Variants in NDUFAF2 observed in about 807,000 individuals in gnomAD.
The protein encoded by NDUFAF2 is NADH dehydrogenase [ubiquinone] 1 alpha subcomplex assembly factor 2.
NDUFAF2 carries 13 observed loss-of-function variants against 22.8 expected under a neutral mutation model. The observed-to-expected ratio is 0.57, with a 90% CI of 0.37 to 0.91. NDUFAF2 has a LOEUF of 0.91. NDUFAF2 is among the 40% of genes least tolerant of loss of function. The pLI, the probability that NDUFAF2 is intolerant of heterozygous loss-of-function variation, is 0.01. For missense variants in NDUFAF2, 162 were observed against 195.2 expected, an observed-to-expected ratio of 0.83 and a Z score of 1.01; for synonymous variants, 53 against 64.2, an observed-to-expected ratio of 0.83 and a Z score of 0.84.
At chr5:60,970,972 G>A (rs1750819266) in intron 1 of NDUFAF2, among the ~76,000 whole-genome samples, 1 of 151,932 alleles carries the variant, frequency 6.6e-6, no homozygotes, top group Non-Finnish European at 1.5e-5. Context: ...ATTTTTATCT[G>A]TGTTCTACCA....
At chr5:61,107,329 A>G (rs2111778827) in intron 3 of NDUFAF2, among the ~76,000 whole-genome samples, 1 of 151,414 alleles carries the variant, frequency 6.6e-6, no homozygotes, top group Middle Eastern at 3.4e-3. Context: ...CATTTCTATG[A>G]TGATCAGTGA....
At chr5:61,022,175 C>T (rs158701) in intron 1 of NDUFAF2, among the ~76,000 whole-genome samples, 30,345 of 152,176 alleles carry the variant, frequency 0.2, 3,581 homozygotes, top group Non-Finnish European at 0.26. Flanking sequence ...ATGGCCCAAA[C>T]AAATTGACAA....
chr5:61,002,561 T>C (rs1354057552), intron 1 of NDUFAF2, among the ~76,000 whole-genome samples: 1 of 152,194 alleles, frequency 6.6e-6, no homozygotes, highest in African/African-American at 2.4e-5. Flanking sequence ...GGTATACTTA[T>C]CCGATTCACT....
At chr5:61,081,164 A>G (rs1192147691) in intron 2 of NDUFAF2, among the ~76,000 whole-genome samples, 2 of 152,046 alleles carry the variant, frequency 1.3e-5, no homozygotes, top group Non-Finnish European at 2.9e-5. Context: ...TGCATTTTCT[A>G]TTCCATCCAT....
At chr5:61,104,131 A>G (rs1248738875) in intron 3 of NDUFAF2, among the ~76,000 whole-genome samples, 1 of 152,008 alleles carries the variant, frequency 6.6e-6, no homozygotes, top group African/African-American at 2.4e-5. Context: ...TAAGGACATA[A>G]CCCCATCATA....
chr5:61,113,119 G>A (rs1401904829), intron 3 of NDUFAF2, among the ~76,000 whole-genome samples: 1 of 151,992 alleles, frequency 6.6e-6, no homozygotes, highest in African/African-American at 2.4e-5. Context: ...AAAGATTATT[G>A]TAGTTATTAT....
At chr5:61,105,750 A>AC (rs1752755758) in intron 3 of NDUFAF2, among the ~76,000 whole-genome samples, 1 of 151,312 alleles carries the variant, frequency 6.6e-6, no homozygotes, top group Non-Finnish European at 1.5e-5. Context: ...ATGTAAGTTC[A>AC]CTCTCAAGTC....
intron 1 of NDUFAF2, among the ~76,000 whole-genome samples, chr5:61,040,046 C>A (rs1410565426): frequency 6.6e-6 from 1 of 151,970 alleles, no homozygotes; most frequent in Non-Finnish European, 1.5e-5. Flanking sequence ...CACAACCTGG[C>A]AAGTATTTTT....
chr5:61,135,650 T>A (rs1209957205), intron 3 of NDUFAF2, among the ~76,000 whole-genome samples: 1 of 152,122 alleles, frequency 6.6e-6, no homozygotes, highest in Non-Finnish European at 1.5e-5. Context: ...TTTTAATAAG[T>A]TTCCAGGTGA....
chr5:60,972,560 A>G (rs2112573828), intron 1 of NDUFAF2, among the ~76,000 whole-genome samples: 1 of 152,190 alleles, frequency 6.6e-6, no homozygotes, highest in East Asian at 1.9e-4. Context: ...CTGTGAGTCA[A>G]TTCAACCTCT....
At chr5:61,018,448 G>A (rs1751539286) in intron 1 of NDUFAF2, among the ~76,000 whole-genome samples, 1 of 152,104 alleles carries the variant, frequency 6.6e-6, no homozygotes, top group Non-Finnish European at 1.5e-5. Context: ...ATTCAAATAA[G>A]TTTAATCCAA....
intron 1 of NDUFAF2, among the ~76,000 whole-genome samples, chr5:61,031,330 G>C (rs1436110855): frequency 1.3e-5 from 2 of 151,826 alleles, no homozygotes; most frequent in African/African-American, 4.8e-5. Flanking sequence ...GACAGGCCCT[G>C]GTGTGTGATG....
intron 1 of NDUFAF2, among the ~76,000 whole-genome samples, chr5:61,040,134 C>G (rs1751852394): frequency 6.6e-6 from 1 of 151,826 alleles, no homozygotes; most frequent in Admixed American, 6.6e-5. Flanking sequence ...CATTTGAAAC[C>G]TCAGAATGTT....
At chr5:60,963,908 C>T (rs1046771856) in intron 1 of NDUFAF2, among the ~76,000 whole-genome samples, 2 of 152,112 alleles carry the variant, frequency 1.3e-5, no homozygotes, top group Non-Finnish European at 2.9e-5. Context: ...AGGAAGTTAG[C>T]TAAGTGAATA....
At chr5:61,146,925 A>C (rs180840596) in intron 3 of NDUFAF2, among the ~76,000 whole-genome samples, 1 of 152,134 alleles carries the variant, frequency 6.6e-6, no homozygotes, top group East Asian at 1.9e-4. Flanking sequence ...TTTTTATTTC[A>C]TAGGTTGTTT....
chr5:61,150,911 G>A (rs1419243195), intron 3 of NDUFAF2, among the ~76,000 whole-genome samples: 2 of 152,280 alleles, frequency 1.3e-5, no homozygotes, highest in South Asian at 2.1e-4. Context: ...ATAGGAAGAA[G>A]AAAACCTGAT....
rs778159499 is a variant in NDUFAF2, at chr5:61,152,825, C to T, written c.380C>T (p.Thr127Ile). The stretch of plus-strand genomic sequence containing the variant: ...GAACTCCTGCCTCCACCAGTTCAAA[C>T]TCAAATTAAAGGCCATGCCTCTGCT... ...SEELLPPPVQTQIKGHASAPY... is the reference protein window; with the variant it reads ...SEELLPPPVQIQIKGHASAPY... The change falls in exon 4 of 4, where the codon ACT becomes ATT. Residue 127 changes from threonine (T) to isoleucine (I), a missense_variant. Physicochemically the swap from Thr to Ile is moderately conservative, Grantham distance 89 (BLOSUM62 -1). This residue lies in a region of NDUFAF2 where 68 missense variants were observed against 110.0 expected (regional missense o/e 0.62). Coordinates refer to ENST00000296597, the MANE Select transcript of NDUFAF2 (RefSeq NM_174889.5). 1.7e-5 allele frequency: 27 copies of T among 1,605,378 alleles called. No individual in the cohort carries two copies. The Middle Eastern group carries it at 8.2e-4, about 49-fold the overall frequency.
At chr5:61,099,461 G>A (rs295532) in intron 3 of NDUFAF2, among the ~76,000 whole-genome samples, 90,213 of 150,134 alleles carry the variant, frequency 0.6, 27,849 homozygotes, top group East Asian at 0.94. Flanking sequence ...TTAATATTAT[G>A]TATTTAAATC....
At chr5:61,142,295 T>C (rs1446845748) in intron 3 of NDUFAF2, among the ~76,000 whole-genome samples, 3 of 152,222 alleles carry the variant, frequency 2.0e-5, no homozygotes. Context: ...GAAAAACTGT[T>C]AATGACTTGA....
Sources: gnomAD v4.1 joint callset for allele counts (sites outside exome capture counted in the v4.1 genomes callset) on GRCh38, gnomAD v4.1.1 for gene constraint, gnomAD v4.1.1 regional missense constraint, MANE v1.5 for transcripts, NCBI Gene and HGNC (gene_info 2026-07-23, HGNC 2026-07-21) for gene names.